ABCB8: variants seen among roughly 807,000 people sequenced by gnomAD.
ABCB8 encodes mitochondrial potassium channel ATP-binding subunit.
A neutral mutation model predicts 73.0 loss-of-function variants in ABCB8; 52 were observed. That is an observed-to-expected ratio of 0.71 (90% confidence interval 0.57 to 0.90). The LOEUF is 0.90. Among genes scored for constraint, ABCB8 ranks in the 40% least tolerant of loss-of-function variants. ABCB8 has a pLI of 0.00. For synonymous variants in ABCB8, 428 were observed against 423.5 expected, an observed-to-expected ratio of 1.01 and a Z score of -0.13; for missense variants, 909 against 974.6, an observed-to-expected ratio of 0.93 and a Z score of 0.90.
At chr7:151,028,675 C>G (rs999121720) in intron 1 of ABCB8, 65 bp downstream of exon 1, 2 of 1,576,756 alleles carry the variant, frequency 1.3e-6, no homozygotes, top group Middle Eastern at 2.1e-4. Flanking sequence ...GCCGGCCCGC[C>G]GGGAGATGGA....
chr7:151,035,592 C>T lies in ABCB8; in HGVS notation c.777C>T (p.Ser259=), dbSNP rs1419658672. 1.9e-6 allele frequency: 3 copies of T among 1,600,152 alleles called. No individual in the cohort carries two copies. The highest frequency in any genetic ancestry group is 8.5e-7 in the Non-Finnish European group (1 of 1,170,066). Reference sequence around the variant, plus strand: ...CTCCCACTCCCTAGGGGCTGCGAAGCTGCACCCAGGTGGCAGGCTGCCTGG... The same window carrying T: ...CTCCCACTCCCTAGGGGCTGCGAAGTTGCACCCAGGTGGCAGGCTGCCTGG... The part of the protein sequence containing the change: ...FKLVISQGLR[S]CTQVAGCLVS... Residue 259 remains serine (S), a synonymous_variant, in exon 6 of 16, where the codon AGC becomes AGT. Coordinates refer to ENST00000358849, the MANE Select transcript of ABCB8 (RefSeq NM_007188.5).
chr7:151,034,311 C>A lies in ABCB8; in HGVS notation c.447C>A (p.Pro149=), dbSNP rs762011241. Residue 149 remains proline, a synonymous_variant, in exon 3 of 16, where the codon CCC becomes CCA. Transcript: ENST00000358849. ...CGGCACTCGTGAATGTACAGATCCC[C>A]CTGCTCCTGGGCCAGCTGGTAGAGG... ...LGAALVNVQI[P]LLLGQLVEVV... 9.3e-6 allele frequency: 15 copies of A among 1,613,656 alleles called. No homozygotes were observed. Among genetic ancestry groups the A allele is most frequent in the Non-Finnish European group, 1.3e-5 (15 of 1,180,010 alleles).
Position 151,033,923 on chromosome 7 carries a change from G to T in ABCB8, c.408+6G>T, listed in dbSNP as rs750250889. On this transcript the variant is annotated splice_donor_region_variant and intron_variant, in intron 2 of 15. Coordinates refer to ENST00000358849, the MANE Select transcript of ABCB8 (RefSeq NM_007188.5). ...TCCTGGGGGTAGCCGTCGTGGTGAGGCTTTCCCCACTTCTCCATCCTGGGG... is the reference window on the plus strand; with the variant it reads ...TCCTGGGGGTAGCCGTCGTGGTGAGTCTTTCCCCACTTCTCCATCCTGGGG... 1 of 1,578,508 alleles carries T rather than the reference G, an allele frequency of 6.3e-7. No homozygotes were observed. The highest frequency in any genetic ancestry group is 1.7e-5 in the Admixed American group (1 of 57,636).
chr7:151,033,583 C>A, intron 1 of ABCB8, 22 bp from the exon 2 acceptor site: 1 of 1,533,000 alleles, frequency 6.5e-7, no homozygotes, highest in Non-Finnish European at 8.8e-7. Context: ...CTCAAGCCAT[C>A]CATGCCTCTC....
intron 12 of ABCB8, 43 bp from the exon 13 acceptor site, chr7:151,041,056 C>A (rs768417823): frequency 3.1e-6 from 5 of 1,613,330 alleles, no homozygotes; most frequent in Non-Finnish European, 4.2e-6. Context: ...TGGGACAATC[C>A]CTAGAATCCC....
At chr7:151,040,043 G>A in intron 9 of ABCB8, 1 of 551,850 alleles carries the variant, frequency 1.8e-6, no homozygotes, top group Non-Finnish European at 3.2e-6. Context: ...CTTGGGCTGA[G>A]CTGAGGGACA....
Position 151,033,666 on chromosome 7 carries a change from C to T in ABCB8, c.157C>T (p.Leu53Phe), listed in dbSNP as rs973096425. The T allele has an allele frequency of 2.5e-6, 4 of 1,610,394 alleles. No individual in the cohort carries two copies. Among genetic ancestry groups the T allele is most frequent in the Admixed American group, 1.7e-5 (1 of 59,736 alleles). Residue 53 changes from leucine (L) to phenylalanine (F), a missense_variant, in exon 2 of 16, where the codon CTC (leucine) becomes TTC (phenylalanine). Physicochemically the swap from Leu to Phe is conservative, Grantham distance 22. Transcript: ENST00000358849. ...LRAVAHLRSQ[L>F]WAHLPRAPLA... is the part of the protein sequence containing the mutation. ...GGCCGTGGCCCACCTGCGGTCCCAGCTCTGGGCCCACCTCCCTCGAGCCCC... is the reference window on the plus strand; with the variant it reads ...GGCCGTGGCCCACCTGCGGTCCCAGTTCTGGGCCCACCTCCCTCGAGCCCC...
Position 151,034,763 on chromosome 7 carries a change from G to T in ABCB8, c.699G>T (p.Gln233His). Residue 233 changes from glutamine (Q) to histidine (H), a missense_variant, in exon 5 of 16, where the codon CAG becomes CAT. By Grantham distance (24) the Gln-to-His change is conservative. Transcript: ENST00000358849. The stretch of plus-strand genomic sequence containing the variant: ...TCTTTGACGCCAATAAGACAGGGCA[G>T]CTGGTGAGCCGCTTGACAACTGACG... ...ITFFDANKTG[Q>H]LVSRLTTDVQ... 6.2e-7 allele frequency: 1 copy of T among 1,614,102 alleles called. No homozygotes were observed. Among genetic ancestry groups the T allele is most frequent in the Non-Finnish European group, 8.5e-7 (1 of 1,179,984 alleles).
intron 1 of ABCB8, chr7:151,033,330 C>T (rs1184972946): frequency 9.2e-7 from 1 of 1,090,178 alleles, no homozygotes; most frequent in Non-Finnish European, 1.2e-6. Flanking sequence ...GCTGCGAGGG[C>T]CCTGGCTGGC....
At chr7:151,029,855 GA>G (rs1796108020) in intron 1 of ABCB8, 1 of 152,166 alleles carries the variant, frequency 6.6e-6, no homozygotes, top group South Asian at 2.1e-4. Flanking sequence ...ACAGATAGAA[GA>G]TTCCCAAGGG....
At position 151,045,261 on chromosome 7, in the gene ABCB8, T is replaced by C; in HGVS notation, c.2069T>C (p.Ile690Thr). The C allele has an allele frequency of 6.2e-7, 1 of 1,604,718 alleles. No individual in the cohort carries two copies. Among genetic ancestry groups the C allele is most frequent in the South Asian group, 1.1e-5 (1 of 89,838 alleles). ...AAAGGCGGGCTATACGCCGAGCTCA[T>C]CCGGAGGCAGGCCCTGGATGCCCCG... ...LKKGGLYAEL[I>T]RRQALDAPRT... Residue 690 changes from isoleucine (I) to threonine (T), a missense_variant, in exon 16 of 16, where the codon ATC becomes ACC. Transcript: ENST00000358849.
At chr7:151,030,330 C>T (rs908324067) in intron 1 of ABCB8, among the ~76,000 whole-genome samples, 5 of 151,030 alleles carry the variant, frequency 3.3e-5, no homozygotes, top group Non-Finnish European at 7.4e-5. Flanking sequence ...GCCTGGCCAA[C>T]GTGGTGAAAC....
intron 12 of ABCB8, 26 bp from the exon 13 acceptor site, chr7:151,041,069 GCCTC>G (rs1796448100): frequency 6.2e-7 from 1 of 1,613,422 alleles, no homozygotes; most frequent in Non-Finnish European, 8.5e-7. Flanking sequence ...AGAATCCCTG[GCCTC>G]CCTCCCTCTC....
At chr7:151,029,386 G>C (rs984379663) in intron 1 of ABCB8, among the ~76,000 whole-genome samples, 3 of 151,766 alleles carry the variant, frequency 2.0e-5, no homozygotes, top group South Asian at 4.2e-4. Context: ...TCGAGAGAGA[G>C]AGACAGACAG....
chr7:151,040,803 C>T, intron 11 of ABCB8, 25 bp from the exon 12 acceptor site: 1 of 1,586,908 alleles, frequency 6.3e-7, no homozygotes, highest in Non-Finnish European at 8.6e-7. Flanking sequence ...CCTGGTCTGA[C>T]TGGGGGTCTC....
intron 14 of ABCB8, among the ~76,000 whole-genome samples, chr7:151,042,489 C>T (rs1796495243): frequency 6.6e-6 from 1 of 152,218 alleles, no homozygotes; most frequent in Non-Finnish European, 1.5e-5. Context: ...TGGGGGGCTG[C>T]CTCCTCTCCA....
chr7:151,031,716 C>T (rs1796169367), intron 1 of ABCB8: 1 of 153,866 alleles, frequency 6.5e-6, no homozygotes, highest in South Asian at 2.0e-4. Context: ...GCTGTGACCT[C>T]CTCCTCCCAG....
At chr7:151,041,871 G>A in intron 13 of ABCB8, 90 bp from the exon 14 acceptor site, 2 of 1,445,638 alleles carry the variant, frequency 1.4e-6, no homozygotes, top group Non-Finnish European at 1.9e-6. Flanking sequence ...CCACCAGATA[G>A]ACTGTCCCAT....
chr7:151,041,465 C>G (rs567829871), intron 13 of ABCB8, among the ~76,000 whole-genome samples: 36 of 152,384 alleles, frequency 2.4e-4, no homozygotes, highest in Non-Finnish European at 4.7e-4. Context: ...TCCGCATTTA[C>G]AGCAGTCTAC....
Sources: allele counts gnomAD v4.1 joint callset (sites outside exome capture counted in the v4.1 genomes callset), GRCh38; gene constraint gnomAD v4.1.1; transcripts MANE v1.5; gene names NCBI Gene and HGNC (gene_info 2026-07-23, HGNC 2026-07-21).